PLAGL1: variants seen among roughly 807,000 people sequenced by gnomAD.
PLAGL1 encodes the protein PLAG1 like zinc finger 1.
A neutral mutation model predicts 4.6 loss-of-function variants in PLAGL1; 1 was observed. The observed-to-expected ratio is 0.22, with a 90% CI of 0.08 to 1.03. PLAGL1 has a LOEUF of 1.03. PLAGL1 is among the 50% of genes least tolerant of loss of function. The pLI is 0.58. For synonymous variants in PLAGL1, 240 were observed against 237.8 expected (o/e 1.01, Z -0.08); for missense variants, 464 against 570.4 (o/e 0.81, Z 1.90).
In PLAGL1 at chr6:143,948,314, A is replaced by C. The variant is rs1377211295; in HGVS notation, c.-178T>G. 1 of 575,926 alleles carries C rather than the reference A, an allele frequency of 1.7e-6. No individual in the cohort carries two copies. Among genetic ancestry groups the C allele is most frequent in the East Asian group, 2.9e-5 (1 of 34,530 alleles). The allele number at this position is 575,926 out of a possible 1,614,324, so 35.7% of individuals were successfully genotyped here. A position where few individuals can be genotyped will look rare whatever the true frequency, so the allele number is the denominator to read the frequency against. Reference sequence around the variant, plus strand: ...CCCAGACATGGACCTCTCAGCTGTCACTAGCTTTGCTTCCTGCTTTCACAC... The same window carrying C: ...CCCAGACATGGACCTCTCAGCTGTCCCTAGCTTTGCTTCCTGCTTTCACAC... On this transcript the variant is annotated 5_prime_UTR_variant, in exon 7 of 8. Coordinates refer to ENST00000674357, the MANE Select transcript of PLAGL1 (RefSeq NM_001317162.2). The surrounding 1 kb of genome is among the most constrained non-coding windows in gnomAD (Gnocchi z 6.0).
chr6:144,037,805 G>C (rs1797366042), intron 1 of PLAGL1: 1 of 152,110 alleles, frequency 6.6e-6, no homozygotes, highest in Admixed American at 6.5e-5. Flanking sequence ...TTTTGATGTT[G>C]TGCTATTGTA....
rs534539592 is a variant in PLAGL1, at chr6:143,955,893, G to A, written c.-325+4576C>T. Among the ~76,000 whole-genome samples, 1 of 152,264 alleles carries A rather than the reference G, an allele frequency of 6.6e-6. No individual in the cohort carries two copies. The highest frequency in any genetic ancestry group is 2.4e-5 in the African/African-American group (1 of 41,526). On this transcript the variant is annotated intron_variant, in intron 6 of 7. Coordinates refer to ENST00000674357, the MANE Select transcript of PLAGL1 (RefSeq NM_001317162.2). The surrounding 1 kb of genome is among the most constrained non-coding windows in gnomAD (Gnocchi z 4.9). ...ACAGAATAACTGGATTAGGACTGAGGTTAGGGGAAAGAGGGAATGGTGGTG... is the reference window on the plus strand; with the variant it reads ...ACAGAATAACTGGATTAGGACTGAGATTAGGGGAAAGAGGGAATGGTGGTG...
rs1798520556 is a variant in PLAGL1, at chr6:144,050,750, A to G, written c.-151+13718T>C. Among the ~76,000 whole-genome samples the G allele has an allele frequency of 6.6e-6, 1 of 152,154 alleles. No individual in the cohort carries two copies. Among genetic ancestry groups the G allele is most frequent in the Non-Finnish European group, 1.5e-5 (1 of 68,030 alleles). On this transcript the variant is annotated intron_variant, in intron 1 of 3. Transcript: ENST00000437412. This position sits in a 1 kb window ranked among gnomAD's most constrained non-coding sequence, Gnocchi z 4.3. ...ACAAAAAAAAATTTTTTTTTAAGTA[A>G]ATCAGGTGTGGTGGCACATGCCTGT...
At chr6:144,024,147 C>G (rs552982154) in intron 1 of PLAGL1, among the ~76,000 whole-genome samples, 6 of 152,216 alleles carry the variant, frequency 3.9e-5, no homozygotes, top group African/African-American at 9.6e-5. Flanking sequence ...TAGCATCCAC[C>G]TATATATTTC....
At chr6:144,026,443 A>G (rs1796346430) in intron 1 of PLAGL1, among the ~76,000 whole-genome samples, 1 of 152,224 alleles carries the variant, frequency 6.6e-6, no homozygotes, top group Admixed American at 6.5e-5. Context: ...TGGCATATTT[A>G]CACTTATTCA....
chr6:144,028,207 A>G (rs2128705066), intron 1 of PLAGL1, among the ~76,000 whole-genome samples: 1 of 152,332 alleles, frequency 6.6e-6, no homozygotes, highest in African/African-American at 2.4e-5. Flanking sequence ...AAAATTAACT[A>G]TTACTCTTGT....
rs1490250377 is a variant in PLAGL1, at chr6:144,056,507, T to C, written c.-151+7961A>G. ...CGTCTATTTAACCCTCTTTCACCCCTAGCCCTTGACAGCCACTGATCTTTT... is the reference window on the plus strand; with the variant it reads ...CGTCTATTTAACCCTCTTTCACCCCCAGCCCTTGACAGCCACTGATCTTTT... On this transcript the variant is annotated intron_variant, in intron 1 of 3. Transcript: ENST00000437412. This position sits in a 1 kb window ranked among gnomAD's most constrained non-coding sequence, Gnocchi z 4.7. 1.3e-5 allele frequency among the ~76,000 whole-genome samples: 2 copies of C among 152,206 alleles called. No individual in the cohort carries two copies. Among genetic ancestry groups the C allele is most frequent in the Admixed American group, 6.5e-5 (1 of 15,292 alleles).
intron 1 of PLAGL1, among the ~76,000 whole-genome samples, chr6:144,032,394 G>A (rs187427795): frequency 5.9e-5 from 9 of 152,010 alleles, no homozygotes; most frequent in Non-Finnish European, 1.0e-4. Context: ...AAAGTGCTGG[G>A]ATTTCAGGTG....
rs1257136838 is a variant in PLAGL1 at position 143,994,588 on chromosome 6, C to CA, written c.-583-9415dup. On this transcript the variant is annotated intron_variant, in intron 1 of 7. Coordinates refer to ENST00000674357, the MANE Select transcript of PLAGL1 (RefSeq NM_001317162.2). The surrounding 1 kb of genome is among the most constrained non-coding windows in gnomAD (Gnocchi z 4.3). ...GCATTATAAATACTACTATTATTCG[C>CA]AAAAAAATGTATGGAAGATGATGAG... Among the ~76,000 whole-genome samples, 1 of 152,062 alleles carries CA rather than the reference C, an allele frequency of 6.6e-6. No homozygotes were observed. The highest frequency in any genetic ancestry group is 1.5e-5 in the Non-Finnish European group (1 of 68,024).
intron 1 of PLAGL1, among the ~76,000 whole-genome samples, chr6:144,031,024 ATTT>A (rs112283556): frequency 6.6e-6 from 1 of 151,300 alleles, no homozygotes; most frequent in Non-Finnish European, 1.5e-5. Context: ...CAACATCTGT[ATTT>A]TTTTTTATTA....
At chr6:144,037,712 T>A (rs1026394727) in intron 1 of PLAGL1, 1 of 152,256 alleles carries the variant, frequency 6.6e-6, no homozygotes, top group African/African-American at 2.4e-5. Flanking sequence ...CTATGTTTTT[T>A]ATTTCTATAT....
In PLAGL1 at chr6:143,995,509, C is replaced by T. The variant is rs757165598; in HGVS notation, c.-583-10335G>A. On this transcript the variant is annotated intron_variant, in intron 1 of 7. Transcript: ENST00000674357. This position sits in a 1 kb window ranked among gnomAD's most constrained non-coding sequence, Gnocchi z 4.4. ...GATTTCTATACTTTGTATTTAGGTGCGAACCATTTTAGTCAAAGTTTGAAA... is the reference window on the plus strand; with the variant it reads ...GATTTCTATACTTTGTATTTAGGTGTGAACCATTTTAGTCAAAGTTTGAAA... Among the ~76,000 whole-genome samples, 20 of 152,024 alleles carry T rather than the reference C, an allele frequency of 1.3e-4. 1 individual carries two copies. The Middle Eastern group carries it at 0.014, about 104-fold the overall frequency.
At chr6:144,020,448 C>G (rs1231607171) in intron 1 of PLAGL1, among the ~76,000 whole-genome samples, 1 of 151,976 alleles carries the variant, frequency 6.6e-6, no homozygotes, top group Non-Finnish European at 1.5e-5. Context: ...TCACCACACC[C>G]AGTTAATTTT....
rs1784137837 is a variant in PLAGL1 at position 143,964,953 on chromosome 6, G to C, written c.-430-135C>G. 1 of 152,346 alleles carries C rather than the reference G, an allele frequency of 6.6e-6. No homozygotes were observed. Among genetic ancestry groups the C allele is most frequent in the East Asian group, 1.9e-4 (1 of 5,172 alleles). 9.4% of individuals were successfully genotyped at this position (152,346 alleles called of 1,614,324 possible). ...AAGAGGAAAGAGAGCAGCTGGTGCT[G>C]CTGGAGTCATGAGATCCAGGACACC... On this transcript the variant is annotated intron_variant, in intron 4 of 7. Coordinates refer to ENST00000674357, the MANE Select transcript of PLAGL1 (RefSeq NM_001317162.2). The surrounding 1 kb of genome is among the most constrained non-coding windows in gnomAD (Gnocchi z 4.3).
rs571151023 is a variant in PLAGL1 at position 143,979,054 on chromosome 6, T to C, written c.-544+6081A>G. Among the ~76,000 whole-genome samples, 1 of 152,316 alleles carries C rather than the reference T, an allele frequency of 6.6e-6. No homozygotes were observed. The highest frequency in any genetic ancestry group is 1.5e-5 in the Non-Finnish European group (1 of 67,992). On this transcript the variant is annotated intron_variant, in intron 2 of 7. Coordinates refer to ENST00000674357, the MANE Select transcript of PLAGL1 (RefSeq NM_001317162.2). The surrounding 1 kb of genome is among the most constrained non-coding windows in gnomAD (Gnocchi z 4.6). ...ACAACTCTATTTATCCCTGGTAATA[T>C]TCTTTGTTCTAATTTCTACTTTGTC...
rs1486961650 is a variant in PLAGL1 at position 144,036,707 on chromosome 6, A to C, written c.-151+27761T>G. ...TACTCAGGGACGAAAGAAAGAGGAAAGAATGGAAAAAGTGAAACTACAGAA... is the reference window on the plus strand; with the variant it reads ...TACTCAGGGACGAAAGAAAGAGGAACGAATGGAAAAAGTGAAACTACAGAA... On this transcript the variant is annotated intron_variant, in intron 1 of 3. Coordinates refer to the PLAGL1 transcript ENST00000437412. The surrounding 1 kb of genome is among the most constrained non-coding windows in gnomAD (Gnocchi z 5.1). 7.2e-6 allele frequency: 2 copies of C among 276,180 alleles called. No individual in the cohort carries two copies. Among genetic ancestry groups the C allele is most frequent in the Non-Finnish European group, 1.4e-5 (2 of 144,704 alleles). 17.1% of individuals were successfully genotyped at this position (276,180 alleles called of 1,614,324 possible).
Position 144,027,255 on chromosome 6 carries a change from G to GA in PLAGL1, c.-151+37212dup, listed in dbSNP as rs1796427987. On this transcript the variant is annotated intron_variant, in intron 1 of 3. Transcript: ENST00000437412. The surrounding 1 kb of genome is among the most constrained non-coding windows in gnomAD (Gnocchi z 5.8). ...CGAACGAAAGAAAGAAAGAAAGAAAGAAAGAAAGAAAGAAAGAAAGAAAGA... is the reference window on the plus strand; with the variant it reads ...CGAACGAAAGAAAGAAAGAAAGAAAGAAAAGAAAGAAAGAAAGAAAGAAAGA... Among the ~76,000 whole-genome samples, 2 of 142,686 alleles carry GA rather than the reference G, an allele frequency of 1.4e-5. No homozygotes were observed. Among genetic ancestry groups the GA allele is most frequent in the Admixed American group, 7.7e-5 (1 of 13,018 alleles). The allele number at this position is 142,686 out of a possible 152,430, so 93.6% of individuals were successfully genotyped here. A position where few individuals can be genotyped will look rare whatever the true frequency, so the allele number is the denominator to read the frequency against.
At chr6:144,062,228 T>G (rs1186923120) in intron 1 of PLAGL1, among the ~76,000 whole-genome samples, 1 of 151,864 alleles carries the variant, frequency 6.6e-6, no homozygotes, top group East Asian at 1.9e-4. Context: ...ATACAAAAAC[T>G]TAGCCAGGTG....
chr6:143,996,407 A>C (rs1335308332), intron 1 of PLAGL1, among the ~76,000 whole-genome samples: 1 of 152,198 alleles, frequency 6.6e-6, no homozygotes, highest in Non-Finnish European at 1.5e-5. Flanking sequence ...AAAGACTGCC[A>C]ATTTTCTCTG....
Sources: allele counts gnomAD v4.1 joint callset (sites outside exome capture counted in the v4.1 genomes callset), GRCh38; gene constraint gnomAD v4.1.1; non-coding constraint Gnocchi (gnomAD v3.1); transcripts MANE v1.5; gene names NCBI Gene and HGNC (gene_info 2026-07-23, HGNC 2026-07-21).